EYS: variants seen among roughly 807,000 people sequenced by gnomAD.
EYS encodes the protein protein eyes shut homolog.
A neutral mutation model predicts 282.1 loss-of-function variants in EYS; 250 were observed. The observed-to-expected ratio is 0.89, with a 90% CI of 0.80 to 0.98. The LOEUF (loss-of-function observed/expected upper bound fraction) is 0.98. Among genes scored for constraint, EYS ranks in the 50% least tolerant of loss-of-function variants. The probability of loss-of-function intolerance (pLI) is 0.00; values close to 1 mark genes in which losing one functional copy is unlikely to be tolerated. For missense variants in EYS, 4,016 were observed against 3,709.0 expected, an observed-to-expected ratio of 1.08 and a Z score of -2.15; for synonymous variants, 1,355 against 1,282.9, an observed-to-expected ratio of 1.06 and a Z score of -1.20.
intron 12 of EYS, among the ~76,000 whole-genome samples, chr6:65,291,914 A>C (rs758698313): frequency 5.3e-5 from 8 of 151,590 alleles, no homozygotes; most frequent in Non-Finnish European, 8.9e-5. Flanking sequence ...GCTTGACGTG[A>C]TCCTACAATA....
chr6:63,974,464 G>T (rs189542222), intron 35 of EYS, among the ~76,000 whole-genome samples: 1 of 152,160 alleles, frequency 6.6e-6, no homozygotes, highest in East Asian at 1.9e-4. Context: ...GGAGAGAAAA[G>T]ATAGTTTTCA....
chr6:65,467,228 C>T (rs759664892), intron 5 of EYS, among the ~76,000 whole-genome samples: 7 of 151,998 alleles, frequency 4.6e-5, no homozygotes, highest in Non-Finnish European at 1.0e-4. Flanking sequence ...TATACAGAGG[C>T]CTTTTTGCCT....
chr6:65,395,643 TTCG>T (rs1169451422), intron 7 of EYS, among the ~76,000 whole-genome samples: 8 of 152,270 alleles, frequency 5.3e-5, no homozygotes, highest in African/African-American at 1.2e-4. Flanking sequence ...ATTCATCTTT[TTCG>T]TCTTTATTTT....
At chr6:64,899,333 G>C (rs1181419036) in intron 18 of EYS, among the ~76,000 whole-genome samples, 5 of 151,940 alleles carry the variant, frequency 3.3e-5, no homozygotes, top group Admixed American at 3.3e-4. Flanking sequence ...GAAACTGAAT[G>C]ACCTCCTCCT....
chr6:65,398,505 T>C (rs2150361338), intron 7 of EYS, among the ~76,000 whole-genome samples: 1 of 152,026 alleles, frequency 6.6e-6, no homozygotes, highest in African/African-American at 2.4e-5. Context: ...GACCTGTCAT[T>C]TTAAAAATCC....
chr6:65,472,449 C>A (rs1765249960), intron 5 of EYS, among the ~76,000 whole-genome samples: 1 of 151,956 alleles, frequency 6.6e-6, no homozygotes, highest in South Asian at 2.1e-4. Context: ...GTTTGTGGAA[C>A]AAATTTAACT....
intron 15 of EYS, among the ~76,000 whole-genome samples, chr6:64,919,419 C>CTTTTTTTTT (rs370375636): frequency 1.0e-4 from 14 of 135,482 alleles, no homozygotes; most frequent in South Asian, 2.3e-4. Flanking sequence ...TTCTTTTTTT[C>CTTTTTTTTT]TTTTTTTTTT....
At chr6:64,280,513 C>T (rs1768270423) in intron 30 of EYS, among the ~76,000 whole-genome samples, 1 of 152,044 alleles carries the variant, frequency 6.6e-6, no homozygotes, top group South Asian at 2.1e-4. Flanking sequence ...GAAGAAAAAT[C>T]TAAATCACGT....
Position 65,701,936 on chromosome 6 carries a change from T to C in EYS, c.-448+5199A>G, listed in dbSNP as rs537834837. On this transcript the variant is annotated intron_variant, in intron 1 of 42. Transcript: ENST00000503581. ...CTTGAACATATTTCTCTGACTTCAG[T>C]GCAAACCCACAAAGGTAGTATCGGA... 1.4e-4 allele frequency among the ~76,000 whole-genome samples: 21 copies of C among 152,330 alleles called. No individual in the cohort carries two copies. In the East Asian group the frequency reaches 4.0e-3, roughly 29 times the overall value.
chr6:64,743,386 G>A (rs1772440065), intron 22 of EYS, among the ~76,000 whole-genome samples: 2 of 152,016 alleles, frequency 1.3e-5, no homozygotes, highest in African/African-American at 4.8e-5. Flanking sequence ...CTACAATTAT[G>A]TAAATGAAAG....
chr6:65,470,169 T>G (rs867436458), intron 5 of EYS, among the ~76,000 whole-genome samples: 5 of 152,250 alleles, frequency 3.3e-5, no homozygotes, highest in African/African-American at 1.2e-4. Context: ...GAGAAAAATA[T>G]GCTGATGTCA....
chr6:64,866,777 C>G (rs949825300), intron 19 of EYS, among the ~76,000 whole-genome samples: 1 of 151,504 alleles, frequency 6.6e-6, no homozygotes, highest in African/African-American at 2.4e-5. Flanking sequence ...GAAACAAATA[C>G]TTTAAAGTTG....
chr6:64,895,067 G>A (rs1406020901), intron 18 of EYS, among the ~76,000 whole-genome samples: 1 of 152,016 alleles, frequency 6.6e-6, no homozygotes, highest in East Asian at 1.9e-4. Context: ...AGTGATTGGT[G>A]TCCCCTTGAA....
At chr6:64,808,072 T>C (rs1205744879) in intron 22 of EYS, among the ~76,000 whole-genome samples, 2 of 143,716 alleles carry the variant, frequency 1.4e-5, no homozygotes, top group African/African-American at 5.1e-5. Flanking sequence ...TCCCTTTCTT[T>C]CCCTTCCCTT....
At chr6:64,228,027 CA>C (rs1425442578) in intron 31 of EYS, among the ~76,000 whole-genome samples, 14 of 152,080 alleles carry the variant, frequency 9.2e-5, no homozygotes, top group African/African-American at 2.9e-4. Flanking sequence ...ATTCAGGTTT[CA>C]TCTGGCCAAC....
At chr6:65,041,189 G>C (rs1403204347) in intron 13 of EYS, among the ~76,000 whole-genome samples, 3 of 151,652 alleles carry the variant, frequency 2.0e-5, no homozygotes, top group African/African-American at 7.3e-5. Flanking sequence ...TAAAAAAGGA[G>C]AGAAGAAGAA....
chr6:64,154,985 G>C (rs1156810208), intron 31 of EYS, among the ~76,000 whole-genome samples: 1 of 152,194 alleles, frequency 6.6e-6, no homozygotes, highest in Non-Finnish European at 1.5e-5. Flanking sequence ...AAACTAGCAA[G>C]CATATTTCCA....
chr6:64,323,792 A>G (rs921414114), intron 29 of EYS, among the ~76,000 whole-genome samples: 3 of 152,148 alleles, frequency 2.0e-5, no homozygotes, highest in African/African-American at 7.2e-5. Context: ...AAATATGTCC[A>G]TAATGGACAT....
At chr6:64,406,283 C>T (rs940899053) in intron 28 of EYS, among the ~76,000 whole-genome samples, 2 of 152,256 alleles carry the variant, frequency 1.3e-5, no homozygotes, top group Middle Eastern at 3.4e-3. Flanking sequence ...AACTGGATCC[C>T]TTCCTTACAT....
Sources: gnomAD v4.1 joint callset for allele counts (sites outside exome capture counted in the v4.1 genomes callset) on GRCh38, gnomAD v4.1.1 for gene constraint, MANE v1.5 for transcripts, NCBI Gene and HGNC (gene_info 2026-07-23, HGNC 2026-07-21) for gene names.